Variants in STIM1 observed in about 807,000 individuals in gnomAD.
The protein encoded by STIM1 is stromal interaction molecule 1.
In STIM1, 25 loss-of-function variants were observed where a neutral mutation model predicts 74.7. The observed-to-expected ratio is 0.33, with a 90% CI of 0.24 to 0.47. The LOEUF (loss-of-function observed/expected upper bound fraction) is 0.47, where lower values mean the gene tolerates loss of function less well. Among genes scored for constraint, STIM1 ranks in the 20% least tolerant of loss-of-function variants. The pLI is 1.00. For synonymous variants in STIM1, 328 were observed against 348.8 expected (o/e 0.94, Z 0.66); for missense variants, 728 against 920.8 (o/e 0.79, Z 2.71).
chr11:3,941,216 A>AAG (rs1351058895), intron 1 of STIM1, among the ~76,000 whole-genome samples: 1 of 152,216 alleles, frequency 6.6e-6, no homozygotes, highest in East Asian at 1.9e-4. Flanking sequence ...AATTAAACAG[A>AAG]ACAAAAATGG....
chr11:3,942,575 G>A (rs2093024329), intron 1 of STIM1, among the ~76,000 whole-genome samples: 1 of 152,172 alleles, frequency 6.6e-6, no homozygotes, highest in Admixed American at 6.5e-5. Flanking sequence ...CATGGGTTTG[G>A]TGATGGACCG....
chr11:3,877,665 C>A (rs1258233532), intron 1 of STIM1, among the ~76,000 whole-genome samples: 1 of 152,154 alleles, frequency 6.6e-6, no homozygotes, highest in Non-Finnish European at 1.5e-5. Flanking sequence ...CTAGTGAATA[C>A]CTAATTTTTC....
chr11:3,901,480 C>T (rs1284570719), intron 1 of STIM1, among the ~76,000 whole-genome samples: 1 of 152,112 alleles, frequency 6.6e-6, no homozygotes, highest in African/African-American at 2.4e-5. Context: ...GTAGTATGGC[C>T]AGCTGTCCTT....
At chr11:3,895,373 A>G (rs992642241) in intron 1 of STIM1, among the ~76,000 whole-genome samples, 44 of 152,050 alleles carry the variant, frequency 2.9e-4, no homozygotes, top group Non-Finnish European at 1.8e-4. Flanking sequence ...GCTTCAAGAC[A>G]TTTCTATGCA....
intron 9 of STIM1, 75 bp downstream of exon 9, chr11:4,083,057 C>T: frequency 3.7e-6 from 5 of 1,342,266 alleles, no homozygotes; most frequent in Non-Finnish European, 4.3e-6. Context: ...GGGCCTCCAA[C>T]ACCAATTCCA....
At chr11:4,003,740 C>T (rs2093746322) in intron 2 of STIM1, among the ~76,000 whole-genome samples, 1 of 152,086 alleles carries the variant, frequency 6.6e-6, no homozygotes. Flanking sequence ...CTGGCCAGGG[C>T]AACTAGGCAG....
intron 1 of STIM1, among the ~76,000 whole-genome samples, chr11:3,964,099 G>T (rs1222914972): frequency 6.6e-6 from 1 of 152,298 alleles, no homozygotes; most frequent in South Asian, 2.1e-4. Context: ...GAAATTGGAG[G>T]CTCAAATAAA....
chr11:3,967,752 C>A (rs972726026), intron 2 of STIM1, 70 bp downstream of exon 2: 213 of 1,602,508 alleles, frequency 1.3e-4, no homozygotes, highest in Non-Finnish European at 1.7e-4. Context: ...GCTACTTAGA[C>A]AGCCTCTTCC....
chr11:4,024,185 GT>G (rs2093980726), intron 3 of STIM1, among the ~76,000 whole-genome samples, 198 bp downstream of exon 3: 1 of 152,114 alleles, frequency 6.6e-6, no homozygotes, highest in South Asian at 2.1e-4. Flanking sequence ...CAGAGTTGGC[GT>G]TTTTCTTCAT....
chr11:3,986,184 A>T (rs764759577), intron 2 of STIM1, among the ~76,000 whole-genome samples: 3 of 152,208 alleles, frequency 2.0e-5, no homozygotes, highest in African/African-American at 7.2e-5. Flanking sequence ...TTCAATCCCC[A>T]TAGATATTGT....
At chr11:4,009,245 C>T (rs1565146802) in intron 2 of STIM1, among the ~76,000 whole-genome samples, 1 of 148,860 alleles carries the variant, frequency 6.7e-6, no homozygotes, top group African/African-American at 2.5e-5. Flanking sequence ...CAGTGAGCTG[C>T]GATCGCGCCA....
chr11:4,056,674 T>C (rs904175784), intron 4 of STIM1, among the ~76,000 whole-genome samples: 1 of 152,250 alleles, frequency 6.6e-6, no homozygotes, highest in Admixed American at 6.5e-5. Context: ...CTAGCTGAGC[T>C]GGCTGTTCCC....
intron 3 of STIM1, among the ~76,000 whole-genome samples, chr11:4,025,393 G>A (rs2093990687): frequency 6.6e-6 from 1 of 152,112 alleles, no homozygotes; most frequent in Non-Finnish European, 1.5e-5. Context: ...GAGCTTCCTG[G>A]ATATCTTTGG....
chr11:3,995,759 C>T (rs905362190), intron 2 of STIM1, among the ~76,000 whole-genome samples: 3 of 151,836 alleles, frequency 2.0e-5, no homozygotes, highest in Non-Finnish European at 4.4e-5. Context: ...ATCCTCCTAC[C>T]TCAGCCTCCT....
intron 6 of STIM1, among the ~76,000 whole-genome samples, chr11:4,074,123 ACT>A (rs1461726110): frequency 6.6e-6 from 1 of 152,124 alleles, no homozygotes; most frequent in African/African-American, 2.4e-5. Flanking sequence ...AAGTTGCAAG[ACT>A]CTGTATCTGC....
At chr11:4,058,666 A>G (rs1446336219) in intron 4 of STIM1, 3 of 368,232 alleles carry the variant, frequency 8.1e-6, no homozygotes, top group Non-Finnish European at 1.1e-5. Flanking sequence ...CACTGACAGT[A>G]TGGGTGGAGG....
intron 2 of STIM1, among the ~76,000 whole-genome samples, chr11:3,971,720 T>A (rs1433814219): frequency 6.6e-6 from 1 of 152,208 alleles, no homozygotes; most frequent in Non-Finnish European, 1.5e-5. Context: ...CAGTTTTCTT[T>A]GCTTAGACAT....
intron 5 of STIM1, among the ~76,000 whole-genome samples, chr11:4,068,285 A>G (rs2133152056): frequency 6.6e-6 from 1 of 152,344 alleles, no homozygotes; most frequent in South Asian, 2.1e-4. Context: ...TGAAATAACT[A>G]GGCTCAATCT....
At chr11:3,918,962 A>G (rs920377063) in intron 1 of STIM1, among the ~76,000 whole-genome samples, 1 of 152,230 alleles carries the variant, frequency 6.6e-6, no homozygotes, top group Non-Finnish European at 1.5e-5. Context: ...AGATATTGCC[A>G]GGAGACTTGG....
Sources: allele counts gnomAD v4.1 joint callset (sites outside exome capture counted in the v4.1 genomes callset), GRCh38; gene constraint gnomAD v4.1.1; transcripts MANE v1.5; gene names NCBI Gene and HGNC (gene_info 2026-07-23, HGNC 2026-07-21).